The following LRRIQ3 variants were observed in gnomAD, a reference collection of about 807,000 sequenced individuals.
LRRIQ3 encodes leucine-rich repeat and IQ domain-containing protein 3.
LRRIQ3 carries 75 observed loss-of-function variants against 59.3 expected under a neutral mutation model. That is an observed-to-expected ratio of 1.26 (90% confidence interval 1.05 to 1.53). The LOEUF (loss-of-function observed/expected upper bound fraction) is 1.53. LRRIQ3 is among the 40% of genes most tolerant of loss of function. The pLI, the probability that LRRIQ3 is intolerant of heterozygous loss-of-function variation, is 0.00. For synonymous variants in LRRIQ3, 250 were observed against 231.3 expected, an observed-to-expected ratio of 1.08 and a Z score of -0.73; for missense variants, 831 against 710.0, an observed-to-expected ratio of 1.17 and a Z score of -1.94.
intron 1 of LRRIQ3, among the ~76,000 whole-genome samples, chr1:74,186,000 T>C (rs1009859722): frequency 2.0e-5 from 3 of 151,346 alleles, no homozygotes; most frequent in Admixed American, 1.3e-4. Context: ...GGTGGCTTTA[T>C]ACTGTTAATC....
intron 5 of LRRIQ3, among the ~76,000 whole-genome samples, chr1:74,075,870 G>C (rs942705400): frequency 1.3e-5 from 2 of 152,104 alleles, no homozygotes; most frequent in African/African-American, 4.8e-5. Flanking sequence ...AGCTACTAGA[G>C]CTCCAAACAC....
chr1:74,027,751 G>C (rs1024815596), intron 7 of LRRIQ3, among the ~76,000 whole-genome samples: 1 of 152,020 alleles, frequency 6.6e-6, no homozygotes, highest in African/African-American at 2.4e-5. Flanking sequence ...ATTATGTATT[G>C]TGATGCATGG....
At chr1:74,139,358 G>A (rs1647191102) in intron 4 of LRRIQ3, among the ~76,000 whole-genome samples, 1 of 151,582 alleles carries the variant, frequency 6.6e-6, no homozygotes, top group Non-Finnish European at 1.5e-5. Context: ...AGGACTGGCC[G>A]CTATCCATGC....
chr1:74,173,608 C>T (rs1268410935), intron 3 of LRRIQ3, among the ~76,000 whole-genome samples: 2 of 151,918 alleles, frequency 1.3e-5, no homozygotes, highest in African/African-American at 2.4e-5. Flanking sequence ...AACACATGTA[C>T]ATTTCTGCAC....
At chr1:74,126,096 T>A (rs541834223) in intron 4 of LRRIQ3, among the ~76,000 whole-genome samples, 59 of 151,928 alleles carry the variant, frequency 3.9e-4, no homozygotes, top group African/African-American at 1.4e-3. Context: ...TGTATGTGTA[T>A]AAGGATTTAT....
chr1:74,049,737 T>C (rs1654307071), intron 6 of LRRIQ3, among the ~76,000 whole-genome samples: 1 of 152,106 alleles, frequency 6.6e-6, no homozygotes, highest in South Asian at 2.1e-4. Context: ...TTTTCCTAAT[T>C]CAACGTCATA....
intron 2 of LRRIQ3, 181 bp from the exon 3 acceptor site, chr1:74,183,042 G>T (rs997506118): frequency 9.9e-6 from 4 of 402,880 alleles, no homozygotes; most frequent in Non-Finnish European, 1.7e-5. Context: ...AATACACTGG[G>T]TATCTGAGAT....
chr1:74,144,547 T>G, intron 4 of LRRIQ3: 1 of 189,772 alleles, frequency 5.3e-6, no homozygotes. Context: ...TGTAACAGTC[T>G]GTAAAAAAAA....
intron 6 of LRRIQ3, among the ~76,000 whole-genome samples, chr1:74,055,180 T>TTATATATATATATATATA (rs57279520): frequency 2.1e-5 from 3 of 139,966 alleles, no homozygotes; most frequent in South Asian, 2.2e-4. Context: ...CATATACACT[T>TTATATATATATATATATA]TATATATATA....
rs774292822 is a variant in LRRIQ3 at position 74,183,618 on chromosome 1, T to C, written c.67A>G (p.Ile23Val). 3.1e-6 allele frequency: 5 copies of C among 1,612,144 alleles called. No homozygotes were observed. Among genetic ancestry groups the C allele is most frequent in the South Asian group, 2.2e-5 (2 of 90,912 alleles). Residue 23 changes from isoleucine to valine, a missense_variant, in exon 2 of 8, where the codon ATA (isoleucine) becomes GTA (valine). Coordinates refer to ENST00000354431, the MANE Select transcript of LRRIQ3 (RefSeq NM_001105659.2). The stretch of plus-strand genomic sequence containing the variant: ...ACAAAATCTTTTTGACCTTCTCTTA[T>C]GTTTTCATTATAGTGACTCCATTCT... Reference protein sequence around the residue: ...HEEWSHYNENIREGQKDFVFV... With the variant: ...HEEWSHYNENVREGQKDFVFV...
At chr1:74,173,141 C>CA (rs1170092798) in intron 3 of LRRIQ3, among the ~76,000 whole-genome samples, 3 of 151,756 alleles carry the variant, frequency 2.0e-5, no homozygotes, top group African/African-American at 4.8e-5. Flanking sequence ...ACTAAAAATA[C>CA]AAAAAATCAG....
intron 6 of LRRIQ3, among the ~76,000 whole-genome samples, chr1:74,055,180 TTATATA>T (rs57279520): frequency 0.16 from 22,621 of 139,646 alleles, 1,991 homozygotes; most frequent in Non-Finnish European, 0.21. Flanking sequence ...CATATACACT[TTATATA>T]TATATATATA....
intron 6 of LRRIQ3, among the ~76,000 whole-genome samples, chr1:74,058,125 G>A (rs1490863140): frequency 1.3e-5 from 2 of 152,046 alleles, no homozygotes; most frequent in Non-Finnish European, 2.9e-5. Context: ...CTGTTGGTAG[G>A]AGCATACATT....
At chr1:74,080,489 C>G (rs1338698141) in intron 5 of LRRIQ3, among the ~76,000 whole-genome samples, 3 of 151,588 alleles carry the variant, frequency 2.0e-5, no homozygotes, top group African/African-American at 7.3e-5. Context: ...CAGTGGTAAC[C>G]ATTGCCTCTA....
intron 6 of LRRIQ3, among the ~76,000 whole-genome samples, chr1:74,057,089 T>C (rs556429317): frequency 1.3e-5 from 2 of 152,304 alleles, no homozygotes; most frequent in African/African-American, 4.8e-5. Flanking sequence ...CTTTTGTTTA[T>C]AGATTACCCA....
chr1:74,045,521 A>G (rs575603145), intron 6 of LRRIQ3, among the ~76,000 whole-genome samples: 1 of 152,052 alleles, frequency 6.6e-6, no homozygotes, highest in Non-Finnish European at 1.5e-5. Flanking sequence ...ATGGGCAAAA[A>G]CCGGCAGCAT....
chr1:74,094,871 G>A (rs1216358558), intron 5 of LRRIQ3, among the ~76,000 whole-genome samples: 3 of 152,006 alleles, frequency 2.0e-5, no homozygotes, highest in African/African-American at 7.2e-5. Flanking sequence ...TCTGTTTTTG[G>A]AAAAGGTACA....
intron 6 of LRRIQ3, among the ~76,000 whole-genome samples, chr1:74,070,511 A>T (rs1654996923): frequency 6.6e-6 from 1 of 152,042 alleles, no homozygotes; most frequent in East Asian, 1.9e-4. Context: ...GGATTAAAAA[A>T]ATATGTATTG....
At chr1:74,051,987 C>G (rs1654384848) in intron 6 of LRRIQ3, among the ~76,000 whole-genome samples, 1 of 152,056 alleles carries the variant, frequency 6.6e-6, no homozygotes, top group Admixed American at 6.6e-5. Context: ...AAACTTTCTA[C>G]AGGTTCCTGA....
Sources: gnomAD v4.1 joint callset for allele counts (sites outside exome capture counted in the v4.1 genomes callset) on GRCh38, gnomAD v4.1.1 for gene constraint, MANE v1.5 for transcripts, NCBI Gene and HGNC (gene_info 2026-07-23, HGNC 2026-07-21) for gene names.